Variants in ATXN1 observed in about 807,000 individuals in gnomAD.
ATXN1 encodes the protein ataxin 1, also known as ataxin-1.
ATXN1 carries 8 observed loss-of-function variants against 56.4 expected under a neutral mutation model. The observed-to-expected ratio is 0.14, with a 90% CI of 0.08 to 0.26. ATXN1 has a LOEUF of 0.26. ATXN1 is among the 10% of genes least tolerant of loss of function. The pLI is 1.00. For missense variants in ATXN1, 987 were observed against 1,106.5 expected, an observed-to-expected ratio of 0.89 and a Z score of 1.53; for synonymous variants, 514 against 494.6, an observed-to-expected ratio of 1.04 and a Z score of -0.52.
intron 6 of ATXN1, among the ~76,000 whole-genome samples, chr6:16,443,892 C>G (rs1040622794): frequency 1.5e-4 from 23 of 152,036 alleles, no homozygotes; most frequent in African/African-American, 3.6e-4. Flanking sequence ...CAAGGAGGGC[C>G]GATCACAAGG....
At chr6:16,396,725 C>G (rs765152788) in intron 6 of ATXN1, among the ~76,000 whole-genome samples, 2 of 152,188 alleles carry the variant, frequency 1.3e-5, no homozygotes, top group Admixed American at 6.5e-5. Context: ...TCACCCAGAG[C>G]AACTTCCAGT....
intron 4 of ATXN1, among the ~76,000 whole-genome samples, chr6:16,568,301 G>T (rs1020174967): frequency 6.8e-6 from 1 of 147,774 alleles, no homozygotes; most frequent in Non-Finnish European, 1.5e-5. Flanking sequence ...TAAGAGAGAG[G>T]CTATCATCAA....
intron 6 of ATXN1, among the ~76,000 whole-genome samples, chr6:16,476,842 G>A (rs1323994628): frequency 1.3e-5 from 2 of 152,208 alleles, no homozygotes; most frequent in African/African-American, 2.4e-5. Context: ...TATGGTAGAA[G>A]GAGTGAATAT....
At chr6:16,509,619 T>C (rs576773130) in intron 5 of ATXN1, among the ~76,000 whole-genome samples, 3 of 152,302 alleles carry the variant, frequency 2.0e-5, no homozygotes, top group African/African-American at 7.2e-5. Context: ...AGAGTAATCA[T>C]GCTATCTGTC....
chr6:16,473,266 G>A (rs921870665), intron 6 of ATXN1, among the ~76,000 whole-genome samples: 6 of 152,096 alleles, frequency 3.9e-5, no homozygotes, highest in African/African-American at 1.2e-4. Context: ...CAGCCACTCC[G>A]ACCCGATATC....
At chr6:16,633,016 A>T (rs930098935) in intron 3 of ATXN1, among the ~76,000 whole-genome samples, 8 of 152,002 alleles carry the variant, frequency 5.3e-5, no homozygotes, top group African/African-American at 7.2e-5. Context: ...AAAAAAGAAA[A>T]GAAAGAAATG....
chr6:16,446,344 T>C (rs983584622), intron 6 of ATXN1, among the ~76,000 whole-genome samples: 61 of 152,254 alleles, frequency 4.0e-4, no homozygotes, highest in Non-Finnish European at 8.8e-5. Context: ...GTCTGTTAAA[T>C]GTGTTTGATA....
In ATXN1 at chr6:16,453,651, G is replaced by T. The variant is rs564632096; in HGVS notation, c.-161+32321C>A. Reference sequence around the variant, plus strand: ...ACTTCAAATGAAAGAGGGTAAGAAAGAACCCACTGGATCCCCTACTCTGTA... The same window carrying T: ...ACTTCAAATGAAAGAGGGTAAGAAATAACCCACTGGATCCCCTACTCTGTA... On this transcript the variant is annotated intron_variant, in intron 6 of 7. Coordinates refer to ENST00000436367, the MANE Select transcript of ATXN1 (RefSeq NM_001128164.2). Among the ~76,000 whole-genome samples the T allele has an allele frequency of 9.2e-5, 14 of 152,214 alleles. No individual in the cohort carries two copies. In the South Asian group the frequency reaches 1.4e-3, roughly 16 times the overall value.
intron 6 of ATXN1, among the ~76,000 whole-genome samples, chr6:16,415,027 C>A (rs1456255221): frequency 6.6e-6 from 1 of 152,120 alleles, no homozygotes; most frequent in African/African-American, 2.4e-5. Context: ...AGAAAATTAC[C>A]TCATTTCATT....
chr6:16,713,045 T>C (rs1001447973), intron 2 of ATXN1, among the ~76,000 whole-genome samples: 10 of 152,334 alleles, frequency 6.6e-5, no homozygotes, highest in African/African-American at 2.2e-4. Context: ...GCATAGTTGA[T>C]GAAGCAATTA....
chr6:16,335,677 C>T (rs1377612812), intron 6 of ATXN1, among the ~76,000 whole-genome samples: 4 of 152,182 alleles, frequency 2.6e-5, no homozygotes, highest in Non-Finnish European at 5.9e-5. Context: ...AGGGTCTTTG[C>T]AGATGTAATT....
intron 5 of ATXN1, among the ~76,000 whole-genome samples, chr6:16,503,875 A>G (rs913425648): frequency 2.0e-5 from 3 of 152,182 alleles, no homozygotes; most frequent in Non-Finnish European, 2.9e-5. Context: ...ATTTTTAACT[A>G]TACAGTCAGT....
At chr6:16,704,563 G>A (rs1356302999) in intron 2 of ATXN1, among the ~76,000 whole-genome samples, 1 of 152,186 alleles carries the variant, frequency 6.6e-6, no homozygotes, top group Non-Finnish European at 1.5e-5. Flanking sequence ...CCCAGCACTT[G>A]AAAATCTTAC....
intron 2 of ATXN1, among the ~76,000 whole-genome samples, chr6:16,671,490 A>C (rs1034814155): frequency 1.3e-5 from 2 of 152,040 alleles, no homozygotes; most frequent in Non-Finnish European, 2.9e-5. Flanking sequence ...CTGAAGTGAA[A>C]CTAATCAATG....
rs748929817 is a variant in ATXN1, at chr6:16,440,648, A to AAAAAAAAAAAAAAAAAAAAGAAAG, written c.-161+45323_-161+45324insCTTTCTTTTTTTTTTTTTTTTTTT. On this transcript the variant is annotated intron_variant, in intron 6 of 7. Coordinates refer to ENST00000436367, the MANE Select transcript of ATXN1 (RefSeq NM_001128164.2). Reference sequence around the variant, plus strand: ...AGAGTGAGACCCTGTCTTAAAAAAAAAAAAGAAAAGAAAAGAAAAAATTAA... The same window carrying AAAAAAAAAAAAAAAAAAAAGAAAG: ...AGAGTGAGACCCTGTCTTAAAAAAAAAAAAAAAAAAAAAAAAAAAGAAAGAAAAGAAAAGAAAAGAAAAAATTAA... 6.7e-4 allele frequency among the ~76,000 whole-genome samples: 80 copies of AAAAAAAAAAAAAAAAAAAAGAAAG among 118,538 alleles called. 1 individual carries two copies. The highest frequency in any genetic ancestry group is 1.1e-3 in the African/African-American group (30 of 28,036). The allele number at this position is 118,538 out of a possible 152,430, so 77.8% of individuals were successfully genotyped here.
chr6:16,566,573 G>C (rs953636330), intron 4 of ATXN1, among the ~76,000 whole-genome samples: 1 of 152,072 alleles, frequency 6.6e-6, no homozygotes, highest in Middle Eastern at 3.4e-3. Flanking sequence ...AAACAAACAG[G>C]CTGGGCGCGG....
At chr6:16,604,587 T>C (rs546430498) in intron 3 of ATXN1, among the ~76,000 whole-genome samples, 1 of 147,216 alleles carries the variant, frequency 6.8e-6, no homozygotes, top group South Asian at 2.2e-4. Flanking sequence ...TTGTTTCTCT[T>C]CTTTTTTTTT....
chr6:16,551,677 C>A (rs1761922670), intron 4 of ATXN1, among the ~76,000 whole-genome samples: 1 of 152,122 alleles, frequency 6.6e-6, no homozygotes. Context: ...AAGTGAGTGA[C>A]TCTGAAATCC....
At chr6:16,439,922 A>C (rs1275586692) in intron 6 of ATXN1, among the ~76,000 whole-genome samples, 1 of 151,962 alleles carries the variant, frequency 6.6e-6, no homozygotes, top group Non-Finnish European at 1.5e-5. Context: ...CAAAAATACA[A>C]AAATTAGGTG....
Sources: gnomAD v4.1 joint callset for allele counts (sites outside exome capture counted in the v4.1 genomes callset) on GRCh38, gnomAD v4.1.1 for gene constraint, MANE v1.5 for transcripts, NCBI Gene and HGNC (gene_info 2026-07-23, HGNC 2026-07-21) for gene names.